The following CFAP74 variants were observed in gnomAD, a reference collection of about 807,000 sequenced individuals.
The protein encoded by CFAP74 is cilia- and flagella-associated protein 74.
Under a neutral mutation model 188.9 loss-of-function variants are expected in CFAP74, and 124 were observed. The observed-to-expected ratio is 0.66, with a 90% CI of 0.57 to 0.76. The LOEUF (loss-of-function observed/expected upper bound fraction) is 0.76. CFAP74 is among the 30% of genes least tolerant of loss of function. The pLI is 0.00. For missense variants in CFAP74, 2,198 were observed against 2,165.2 expected (o/e 1.02, Z -0.30); for synonymous variants, 956 against 916.7 (o/e 1.04, Z -0.77).
chr1:1,947,141 C>T, intron 18 of CFAP74, 87 bp from the exon 19 acceptor site: 1 of 944,966 alleles, frequency 1.1e-6, no homozygotes, highest in Non-Finnish European at 1.6e-6. Context: ...TCACCACCTC[C>T]AAACCCATAT....
chr1:1,948,966 C>T (rs1570890181), intron 18 of CFAP74, among the ~76,000 whole-genome samples: 4 of 139,816 alleles, frequency 2.9e-5, no homozygotes, highest in Non-Finnish European at 6.2e-5. Flanking sequence ...TACTCCCTTC[C>T]TTCCTCCTTC....
At chr1:1,979,201 G>A (rs1274962667) in intron 6 of CFAP74, among the ~76,000 whole-genome samples, 1 of 92,590 alleles carries the variant, frequency 1.1e-5, no homozygotes, top group Non-Finnish European at 2.3e-5. Context: ...GTGCTGAGCT[G>A]GGCGTGGGAA....
Position 1,973,997 on chromosome 1 carries a change from G to C in CFAP74, c.674+28C>G. Reference sequence around the variant, plus strand: ...GGGCTGGCAGAAGCTGCTGGGAAGGGATGGAGGTGGGCCTGGGTGTCGCCT... The same window carrying C: ...GGGCTGGCAGAAGCTGCTGGGAAGGCATGGAGGTGGGCCTGGGTGTCGCCT... On this transcript the variant is annotated intron_variant, in intron 7 of 38. Transcript: ENST00000682832. This position sits in a 1 kb window ranked among gnomAD's most constrained non-coding sequence, Gnocchi z 6.2. The C allele has an allele frequency of 6.6e-7, 1 of 1,514,968 alleles. No individual in the cohort carries two copies. The highest frequency in any genetic ancestry group is 1.3e-5 in the South Asian group (1 of 78,400). 93.8% of individuals were successfully genotyped at this position (1,514,968 alleles called of 1,614,324 possible).
chr1:2,001,430 C>T (rs183832761), intron 1 of CFAP74, among the ~76,000 whole-genome samples: 2,084 of 151,786 alleles, frequency 0.014, 20 homozygotes, highest in Middle Eastern at 0.027. Flanking sequence ...CCTGGGTTCA[C>T]GCCATTCTCC....
At chr1:1,972,388 C>G (rs1369945415) in intron 8 of CFAP74, among the ~76,000 whole-genome samples, 1 of 152,208 alleles carries the variant, frequency 6.6e-6, no homozygotes, top group Non-Finnish European at 1.5e-5. Flanking sequence ...GCGCAGAGGC[C>G]GGGCCATGAC....
intron 25 of CFAP74, among the ~76,000 whole-genome samples, chr1:1,932,266 GGGCA>G (rs1309154577): frequency 1.7e-4 from 26 of 150,484 alleles, no homozygotes; most frequent in South Asian, 8.5e-4. Flanking sequence ...GCGTGGTGGT[GGGCA>G]CCTGTAGTCC....
At chr1:1,950,486 T>G (rs766294206) in intron 18 of CFAP74, among the ~76,000 whole-genome samples, 23 of 152,074 alleles carry the variant, frequency 1.5e-4, no homozygotes, top group Non-Finnish European at 1.6e-4. Context: ...ATTACAGGTG[T>G]CTGCCGCCAT....
At chr1:1,947,434 C>T (rs944209340) in intron 18 of CFAP74, among the ~76,000 whole-genome samples, 11 of 152,234 alleles carry the variant, frequency 7.2e-5, no homozygotes, top group South Asian at 2.1e-4. Flanking sequence ...ATAGCTGTAG[C>T]GTACTGTTCC....
At chr1:1,994,553 A>G (rs549017473) in intron 1 of CFAP74, among the ~76,000 whole-genome samples, 13 of 152,358 alleles carry the variant, frequency 8.5e-5, no homozygotes, top group Admixed American at 2.6e-4. Flanking sequence ...TCCACTTGAA[A>G]GAACTGATTA....
intron 25 of CFAP74, among the ~76,000 whole-genome samples, chr1:1,938,249 ACT>A (rs1292644295): frequency 1.3e-5 from 2 of 151,062 alleles, no homozygotes; most frequent in Admixed American, 6.6e-5. Flanking sequence ...ACATACAAGC[ACT>A]CACACTCAAC....
intron 25 of CFAP74, among the ~76,000 whole-genome samples, chr1:1,934,099 A>G (rs1431887533): frequency 6.6e-6 from 1 of 152,226 alleles, no homozygotes; most frequent in Non-Finnish European, 1.5e-5. Flanking sequence ...CCCGGTCTGC[A>G]TGGGGCTCTC....
At chr1:1,924,546 G>T in intron 33 of CFAP74, 26 bp from the exon 34 acceptor site, 1 of 1,586,216 alleles carries the variant, frequency 6.3e-7, no homozygotes, top group Non-Finnish European at 8.6e-7. Flanking sequence ...CGCGGTCACT[G>T]CCCGCCAGCC....
chr1:1,984,319 T>TG (rs1553233237), intron 6 of CFAP74: 1 of 145,630 alleles, frequency 6.9e-6, no homozygotes, highest in African/African-American at 2.5e-5. Flanking sequence ...TTTTTTTTTT[T>TG]AAAGAAGTGG....
chr1:1,980,126 G>C (rs1656740135), intron 6 of CFAP74, among the ~76,000 whole-genome samples: 1 of 128,234 alleles, frequency 7.8e-6, no homozygotes, highest in African/African-American at 2.9e-5. Context: ...GATCGCAGTG[G>C]GCGCCCTCTT....
At position 1,923,249 on chromosome 1, in the gene CFAP74, G is replaced by T; in HGVS notation, c.4523-104C>A. ...TGGTTAGCAGTGGCTGTCCTGCTTG[G>T]CTCTGGGGTAGAAGGCTGGGAATCC... On this transcript the variant is annotated intron_variant, in intron 36 of 38. Transcript: ENST00000682832. The surrounding 1 kb of genome is among the most constrained non-coding windows in gnomAD (Gnocchi z 6.3). 6.7e-7 allele frequency: 1 copy of T among 1,492,764 alleles called. No homozygotes were observed. The highest frequency in any genetic ancestry group is 9.0e-7 in the Non-Finnish European group (1 of 1,111,046). 92.5% of individuals were successfully genotyped at this position (1,492,764 alleles called of 1,614,324 possible). A position where few individuals can be genotyped will look rare whatever the true frequency, so the allele number is the denominator to read the frequency against.
chr1:1,955,283 G>T (rs1256550090), intron 18 of CFAP74: 23 of 1,295,206 alleles, frequency 1.8e-5, no homozygotes, highest in Non-Finnish European at 2.3e-5. Flanking sequence ...GCATGGGGAG[G>T]GCAGGGCCCG....
intron 14 of CFAP74, among the ~76,000 whole-genome samples, chr1:1,961,210 G>GA (rs1185796032): frequency 6.6e-6 from 1 of 152,206 alleles, no homozygotes; most frequent in African/African-American, 2.4e-5. Flanking sequence ...GGCAGAGCCG[G>GA]AGAATGAATG....
In CFAP74 at chr1:1,974,168, C is replaced by G. The variant is rs761214405; in HGVS notation, c.531G>C (p.Glu177Asp). ...ENTMWHIEIQ[E>D]GRLEAFRTAD... ...CTGTCCGGAAGGCCTCGAGTCGCCC[C>G]TCCTGGATCTCGATGTGCCACATGG... is the stretch of plus-strand genomic sequence containing the variant. The change falls in exon 7 of 39, where the codon GAG becomes GAC. Residue 177 changes from glutamate (E) to aspartate (D), a missense_variant. By Grantham distance (45) the Glu-to-Asp change is conservative. Coordinates refer to ENST00000682832, the MANE Select transcript of CFAP74 (RefSeq NM_001304360.2). 3 of 1,609,152 alleles carry G rather than the reference C, an allele frequency of 1.9e-6. No individual in the cohort carries two copies. The highest frequency in any genetic ancestry group is 2.5e-6 in the Non-Finnish European group (3 of 1,177,288).
Position 1,973,535 on chromosome 1 carries a change from T to G in CFAP74, c.675-488A>C, listed in dbSNP as rs1656232475. ...CTGGCCTGATGGCCTGTGGAGCACTTGGGGACTGGCCTAGTAGGTGGCCGG... is the reference window on the plus strand; with the variant it reads ...CTGGCCTGATGGCCTGTGGAGCACTGGGGGACTGGCCTAGTAGGTGGCCGG... On this transcript the variant is annotated intron_variant, in intron 7 of 38. Transcript: ENST00000682832. The surrounding 1 kb of genome is among the most constrained non-coding windows in gnomAD (Gnocchi z 6.2). Among the ~76,000 whole-genome samples the G allele has an allele frequency of 6.6e-6, 1 of 151,918 alleles. No individual in the cohort carries two copies. Among genetic ancestry groups the G allele is most frequent in the South Asian group, 2.1e-4 (1 of 4,820 alleles).
Sources: gnomAD v4.1 joint callset for allele counts (sites outside exome capture counted in the v4.1 genomes callset) on GRCh38, gnomAD v4.1.1 for gene constraint, Gnocchi (gnomAD v3.1) non-coding constraint, MANE v1.5 for transcripts, NCBI Gene and HGNC (gene_info 2026-07-23, HGNC 2026-07-21) for gene names.